The following CLIP2 variants were observed in gnomAD, a reference collection of about 807,000 sequenced individuals.
CLIP2 encodes the protein CAP-Gly domain containing linker protein 2.
A neutral mutation model predicts 111.7 loss-of-function variants in CLIP2; 41 were observed. That is an observed-to-expected ratio of 0.37 (90% CI 0.29 to 0.48). CLIP2 has a LOEUF of 0.48. Among genes scored for constraint, CLIP2 ranks in the 20% least tolerant of loss-of-function variants. CLIP2 has a pLI of 0.99. For synonymous variants in CLIP2, 660 were observed against 644.2 expected (o/e 1.02, Z -0.37); for missense variants, 1,160 against 1,422.1 (o/e 0.82, Z 2.96).
chr7:74,375,881 C>A lies in CLIP2; in HGVS notation c.1486-6C>A. The stretch of plus-strand genomic sequence containing the variant: ...CGCTGATCCCTGTCTCCCTCTCTCC[C>A]CACAGCTGACCACAGTGGCCGAGAA... On this transcript the variant is annotated splice_polypyrimidine_tract_variant and splice_region_variant and intron_variant, in intron 9 of 16. Transcript: ENST00000223398. 1 of 1,526,754 alleles carries A rather than the reference C, an allele frequency of 6.5e-7. No individual in the cohort carries two copies. The highest frequency in any genetic ancestry group is 2.0e-5 in the Admixed American group (1 of 48,954). The allele number at this position is 1,526,754 out of a possible 1,614,324, so 94.6% of individuals were successfully genotyped here.
chr7:74,337,592 TC>T (rs1201279566), intron 2 of CLIP2, among the ~76,000 whole-genome samples: 4 of 80,230 alleles, frequency 5.0e-5, no homozygotes, highest in African/African-American at 9.4e-5. Flanking sequence ...AGCCATTGCT[TC>T]TTTTTTTTTT....
intron 1 of CLIP2, among the ~76,000 whole-genome samples, chr7:74,310,957 T>G (rs1253862947): frequency 6.6e-6 from 1 of 150,910 alleles, no homozygotes; most frequent in Non-Finnish European, 1.5e-5. Flanking sequence ...TCAAGCTATC[T>G]GCCTGCCTCG....
rs781842379 is a variant in CLIP2 at position 74,317,671 on chromosome 7, C to A, written c.121+4C>A. 3.4e-6 allele frequency: 5 copies of A among 1,450,748 alleles called. No homozygotes were observed. In the African/African-American group the frequency reaches 7.2e-5, roughly 21 times the overall value. The allele number at this position is 1,450,748 out of a possible 1,614,324, so 89.9% of individuals were successfully genotyped here. ...GTGGCCGCTAGCTCCAAGGAAGGTA[C>A]GTGGCACACCAAGGATGGGGGGTGA... is the stretch of plus-strand genomic sequence containing the variant. On this transcript the variant is annotated splice_donor_region_variant and intron_variant, in intron 2 of 16. Coordinates refer to ENST00000223398, the MANE Select transcript of CLIP2 (RefSeq NM_003388.5).
intron 1 of CLIP2, among the ~76,000 whole-genome samples, chr7:74,303,425 TGCTGGGTAGGGCTTGGGGA>T: frequency 6.6e-6 from 1 of 152,010 alleles, no homozygotes; most frequent in South Asian, 2.1e-4. Context: ...GGCATTGGGG[TGCTGGGTAGGGCTTGGGGA>T]GCCCCCTTCA....
chr7:74,392,076 G>T (rs1174617954), intron 13 of CLIP2, among the ~76,000 whole-genome samples: 9 of 151,590 alleles, frequency 5.9e-5, no homozygotes, highest in African/African-American at 1.9e-4. Flanking sequence ...GCGTGGCTGG[G>T]CGCAGTGGCT....
Position 74,338,790 on chromosome 7 carries a change from G to A in CLIP2, c.464G>A (p.Gly155Glu). ...LTRQPTAEGS[G>E]SDAHSVESLT... ...CGGCAGCCCACGGCCGAGGGCTCGG[G>A]GAGTGATGCCCACTCCGTGGAGTCG... The change falls in exon 3 of 17, where the codon GGG becomes GAG. Residue 155 changes from glycine (G) to glutamate (E), a missense_variant. By Grantham distance (98) the Gly-to-Glu change is moderately conservative (BLOSUM62 -2). Around this residue, in one of 5 missense-constraint regions of CLIP2, gnomAD observed 301 missense variants for 315.2 expected, o/e 0.96. Transcript: ENST00000223398. The surrounding 1 kb of genome is among the most constrained non-coding windows in gnomAD (Gnocchi z 4.3). 11 of 1,610,930 alleles carry A rather than the reference G, an allele frequency of 6.8e-6. No homozygotes were observed. The highest frequency in any genetic ancestry group is 9.3e-6 in the Non-Finnish European group (11 of 1,179,700).
chr7:74,358,435 C>T (rs1203867633), intron 6 of CLIP2, among the ~76,000 whole-genome samples: 1 of 151,784 alleles, frequency 6.6e-6, no homozygotes, highest in Non-Finnish European at 1.5e-5. Flanking sequence ...CTCCTGGCCT[C>T]AGGCAATCCT....
chr7:74,335,593 A>G (rs895129744), intron 2 of CLIP2, among the ~76,000 whole-genome samples: 16 of 151,806 alleles, frequency 1.1e-4, no homozygotes, highest in African/African-American at 3.4e-4. Context: ...ACTTGCCTCA[A>G]CTTCCCAAAG....
chr7:74,305,858 C>G (rs1489068736), intron 1 of CLIP2, among the ~76,000 whole-genome samples: 1 of 108,420 alleles, frequency 9.2e-6, no homozygotes, highest in Admixed American at 8.9e-5. Context: ...CACCCCAACC[C>G]CCCCCCACCG....
intron 1 of CLIP2, among the ~76,000 whole-genome samples, chr7:74,314,665 A>G (rs542160358): frequency 2.0e-5 from 3 of 152,166 alleles, no homozygotes; most frequent in African/African-American, 7.2e-5. Flanking sequence ...GGTGCTCTGA[A>G]TTTTCTCTCC....
intron 1 of CLIP2, among the ~76,000 whole-genome samples, chr7:74,291,210 C>CAAAGGCAGA (rs1189069824): frequency 6.6e-6 from 1 of 152,050 alleles, no homozygotes; most frequent in African/African-American, 2.4e-5. Flanking sequence ...AGAGGGGCTC[C>CAAAGGCAGA]AAAGGCAGAA....
At chr7:74,384,122 A>G (rs1405250784) in intron 11 of CLIP2, among the ~76,000 whole-genome samples, 1 of 152,030 alleles carries the variant, frequency 6.6e-6, no homozygotes, top group African/African-American at 2.4e-5. Flanking sequence ...CCTGGGAGGC[A>G]GAGGTTGCAG....
intron 1 of CLIP2, among the ~76,000 whole-genome samples, chr7:74,301,704 TGTTTG>T (rs1262081494): frequency 9.8e-6 from 1 of 102,060 alleles, no homozygotes; most frequent in Non-Finnish European, 2.6e-5. Context: ...GTTTTTTGTT[TGTTTG>T]TTTTGTTTTT....
intron 1 of CLIP2, among the ~76,000 whole-genome samples, chr7:74,290,040 C>T (rs1435915865): frequency 3.9e-5 from 6 of 152,222 alleles, no homozygotes; most frequent in African/African-American, 1.4e-4. Flanking sequence ...GGGTCCCTAC[C>T]CTCGGACGGG....
chr7:74,372,233 C>T (rs1256757840), intron 8 of CLIP2, among the ~76,000 whole-genome samples: 1 of 152,070 alleles, frequency 6.6e-6, no homozygotes, highest in African/African-American at 2.4e-5. Flanking sequence ...TTTGTGGAGA[C>T]CAGGCGTCCT....
intron 3 of CLIP2, among the ~76,000 whole-genome samples, chr7:74,349,718 G>A (rs1159641095): frequency 1.3e-5 from 2 of 150,810 alleles, no homozygotes; most frequent in African/African-American, 4.9e-5. Flanking sequence ...TGCCTCACAG[G>A]TTCTCCTGTC....
intron 1 of CLIP2, among the ~76,000 whole-genome samples, chr7:74,308,307 C>T (rs1788550379): frequency 6.6e-6 from 1 of 152,102 alleles, no homozygotes; most frequent in African/African-American, 2.4e-5. Context: ...TGATCTCTGC[C>T]TCAGAGGGGA....
chr7:74,381,048 C>T, intron 11 of CLIP2, 185 bp downstream of exon 11: 1 of 469,776 alleles, frequency 2.1e-6, no homozygotes, highest in Admixed American at 3.6e-5. Context: ...GGCATTGCAC[C>T]AGCCTTCCAA....
intron 13 of CLIP2, among the ~76,000 whole-genome samples, chr7:74,393,317 C>A (rs1233799705): frequency 6.7e-6 from 1 of 148,936 alleles, no homozygotes; most frequent in East Asian, 2.0e-4. Context: ...CATGAGCCAC[C>A]GCACTGGGCC....
Sources: gnomAD v4.1 joint callset for allele counts (sites outside exome capture counted in the v4.1 genomes callset) on GRCh38, gnomAD v4.1.1 for gene constraint, gnomAD v4.1.1 regional missense constraint, Gnocchi (gnomAD v3.1) non-coding constraint, MANE v1.5 for transcripts, NCBI Gene and HGNC (gene_info 2026-07-23, HGNC 2026-07-21) for gene names.